OXLD1: variants seen among roughly 807,000 people sequenced by gnomAD.
OXLD1 encodes the protein oxidoreductase-like domain-containing protein 1.
In OXLD1, 4 loss-of-function variants were observed where a neutral mutation model predicts 3.1. The ratio of observed to expected loss-of-function variants is 1.28; its 90% CI spans 0.63 to 2.92. The LOEUF is 2.92. OXLD1 is among the 30% of genes most tolerant of loss of function. The pLI is 0.01. For missense variants in OXLD1, 240 were observed against 204.6 expected, an observed-to-expected ratio of 1.17 and a Z score of -1.05; for synonymous variants, 100 against 87.0, an observed-to-expected ratio of 1.15 and a Z score of -0.83.
At chr17:81,666,335 C>G in intron 1 of OXLD1, 183 bp downstream of exon 1, 1 of 645,776 alleles carries the variant, frequency 1.5e-6, no homozygotes, top group South Asian at 2.3e-5. Context: ...GGCGGGGACT[C>G]GGTAAGAGCC....
rs1445872563 is a variant in OXLD1 at position 81,666,571 on chromosome 17, G to A, written c.7C>T (p.Leu3=). 5 of 1,478,702 alleles carry A rather than the reference G, an allele frequency of 3.4e-6. No homozygotes were observed. Among genetic ancestry groups the A allele is most frequent in the Non-Finnish European group, 3.6e-6 (4 of 1,119,098 alleles). 91.6% of individuals were successfully genotyped at this position (1,478,702 alleles called of 1,614,324 possible). The change falls in exon 1 of 2, where the codon CTG becomes TTG. Residue 3 remains leucine (L), a synonymous_variant. Transcript: ENST00000374741. Reference sequence around the variant, plus strand: ...CGGCCTCCCTCGACCACCCTCCGCAGCAGCATCGCCCGCGGACGGGATCCG... The same window carrying A: ...CGGCCTCCCTCGACCACCCTCCGCAACAGCATCGCCCGCGGACGGGATCCG... ML[L]RRVVEGGRAV...
intron 1 of OXLD1, 76 bp from the exon 2 acceptor site, chr17:81,665,660 C>T: frequency 6.7e-7 from 1 of 1,481,842 alleles, no homozygotes; most frequent in Non-Finnish European, 8.9e-7. Context: ...GAGGACATTT[C>T]AGCTCTCCTG....
chr17:81,666,535 C>T lies in OXLD1; in HGVS notation c.43G>A (p.Ala15Thr). 1 of 1,523,824 alleles carries T rather than the reference C, an allele frequency of 6.6e-7. No individual in the cohort carries two copies. The highest frequency in any genetic ancestry group is 8.7e-7 in the Non-Finnish European group (1 of 1,144,746). The allele number at this position is 1,523,824 out of a possible 1,614,324, so 94.4% of individuals were successfully genotyped here. Reference protein sequence around the residue: ...RVVEGGRAVAAAVRGSGARRF... With the variant: ...RVVEGGRAVATAVRGSGARRF... ...GTACTTGCCGAGCCACGGACCGCGG[C>T]GGCTACCGCCCGGCCTCCCTCGACC... The change falls in exon 1 of 2, where the codon GCC (alanine) becomes ACC (threonine). Residue 15 changes from alanine to threonine, a missense_variant. Coordinates refer to ENST00000374741, the MANE Select transcript of OXLD1 (RefSeq NM_001039842.3).
intron 1 of OXLD1, 82 bp from the exon 2 acceptor site, chr17:81,665,666 T>G: frequency 4.1e-6 from 6 of 1,466,358 alleles, no homozygotes; most frequent in Non-Finnish European, 4.5e-6. Flanking sequence ...ATTTCAGCTC[T>G]CCTGTCATTG....
Position 81,665,681 on chromosome 17 carries a change from A to G in OXLD1, c.61-97T>C, listed in dbSNP as rs548923553. The G allele has an allele frequency of 1.4e-5, 19 of 1,393,738 alleles. 1 individual carries two copies. The highest frequency in any genetic ancestry group is 9.5e-5 in the East Asian group (4 of 42,072). 86.3% of individuals were successfully genotyped at this position (1,393,738 alleles called of 1,614,324 possible). Reference sequence around the variant, plus strand: ...ATTTCAGCTCTCCTGTCATTGGGCAACTGGCTCCATGTCCTCAGCTTTTTC... The same window carrying G: ...ATTTCAGCTCTCCTGTCATTGGGCAGCTGGCTCCATGTCCTCAGCTTTTTC... On this transcript the variant is annotated intron_variant, in intron 1 of 1. Coordinates refer to ENST00000374741, the MANE Select transcript of OXLD1 (RefSeq NM_001039842.3).
chr17:81,666,076 G>GA, intron 1 of OXLD1: 1 of 417,968 alleles, frequency 2.4e-6, no homozygotes. Context: ...ATCCCAGCGT[G>GA]AATGTCCTAT....
chr17:81,665,520 T>C lies in OXLD1; in HGVS notation c.125A>G (p.Gln42Arg). The C allele has an allele frequency of 1.2e-6, 2 of 1,610,438 alleles. No individual in the cohort carries two copies. The highest frequency in any genetic ancestry group is 1.7e-6 in the Non-Finnish European group (2 of 1,178,092). The change falls in exon 2 of 2, where the codon CAA becomes CGA. Residue 42 changes from glutamine (Q) to arginine (R), a missense_variant. Transcript: ENST00000374741. ...GGCTTGCGCTCCGGGATGGTGCCTT[T>C]GAAGAAAGCTGCCACCTCCAGGAAG... ...QRLPGGGSFLQRHHPGAQAPD... is the reference protein window; with the variant it reads ...QRLPGGGSFLRRHHPGAQAPD...
chr17:81,665,622 T>A, intron 1 of OXLD1, 38 bp from the exon 2 acceptor site: 3 of 1,538,614 alleles, frequency 1.9e-6, no homozygotes, highest in Non-Finnish European at 2.6e-6. Context: ...TCCAGGAAGC[T>A]GGTGAGGCCC....
chr17:81,665,582 C>T lies in OXLD1; in HGVS notation c.63G>A (p.Gly21=), dbSNP rs1174954861. The change falls in exon 2 of 2, where the codon GGG becomes GGA. Residue 21 remains glycine (G), a splice_region_variant and synonymous_variant. Transcript: ENST00000374741. ...AGTCCGGGCTGGAGAACCGGCGAGC[C>T]CCCTGAGGATGCAGACAAACATGTG... The part of the protein sequence containing the change: ...RAVAAAVRGS[G]ARRFSSPDCC... 2 of 1,579,706 alleles carry T rather than the reference C, an allele frequency of 1.3e-6. No individual in the cohort carries two copies. Among genetic ancestry groups the T allele is most frequent in the South Asian group, 1.1e-5 (1 of 87,642 alleles).
intron 1 of OXLD1, chr17:81,666,014 C>T (rs150678665): frequency 0.019 from 7,446 of 401,430 alleles, 97 homozygotes; most frequent in Middle Eastern, 0.029. Context: ...AATCGCACCA[C>T]CCTTTATCCA....
Position 81,665,076 on chromosome 17 carries a change from T to A in OXLD1, c.*125A>T. ...ATAGAGAATTTATTTTTTTCTCAGGTGAAGTCAGTAACTAATTCTTCCTAT... is the reference window on the plus strand; with the variant it reads ...ATAGAGAATTTATTTTTTTCTCAGGAGAAGTCAGTAACTAATTCTTCCTAT... On this transcript the variant is annotated 3_prime_UTR_variant, in exon 2 of 2. Coordinates refer to ENST00000374741, the MANE Select transcript of OXLD1 (RefSeq NM_001039842.3). 1 of 1,255,516 alleles carries A rather than the reference T, an allele frequency of 8.0e-7. No individual in the cohort carries two copies. Among genetic ancestry groups the A allele is most frequent in the Non-Finnish European group, 1.1e-6 (1 of 921,104 alleles). 77.8% of individuals were successfully genotyped at this position (1,255,516 alleles called of 1,614,324 possible). A position where few individuals can be genotyped will look rare whatever the true frequency, so the allele number is the denominator to read the frequency against.
At position 81,665,146 on chromosome 17, in the gene OXLD1, G is replaced by A; in HGVS notation, c.*55C>T. Reference sequence around the variant, plus strand: ...TCTGTGAGGGGGTGTGAAGGAAGGAGGCTGCGGCTGCGTCCTGGACTCCGT... The same window carrying A: ...TCTGTGAGGGGGTGTGAAGGAAGGAAGCTGCGGCTGCGTCCTGGACTCCGT... On this transcript the variant is annotated 3_prime_UTR_variant, in exon 2 of 2. Coordinates refer to ENST00000374741, the MANE Select transcript of OXLD1 (RefSeq NM_001039842.3). 2 of 1,531,036 alleles carry A rather than the reference G, an allele frequency of 1.3e-6. No individual in the cohort carries two copies. Among genetic ancestry groups the A allele is most frequent in the Non-Finnish European group, 1.8e-6 (2 of 1,137,092 alleles). The allele number at this position is 1,531,036 out of a possible 1,614,324, so 94.8% of individuals were successfully genotyped here.
rs558776161 is a variant in OXLD1 at position 81,665,777 on chromosome 17, T to A, written c.61-193A>T. 51 of 656,688 alleles carry A rather than the reference T, an allele frequency of 7.8e-5. No homozygotes were observed. In the African/African-American group the frequency reaches 8.2e-4, roughly 11 times the overall value. 40.7% of individuals were successfully genotyped at this position (656,688 alleles called of 1,614,324 possible). ...TTTCCCCACTGTGCAATGGAAGTCA[T>A]GGGTATGACACGGTGTGATTCACAA... On this transcript the variant is annotated intron_variant, in intron 1 of 1. Coordinates refer to ENST00000374741, the MANE Select transcript of OXLD1 (RefSeq NM_001039842.3).
chr17:81,665,658 T>C, intron 1 of OXLD1, 74 bp from the exon 2 acceptor site: 1 of 1,484,874 alleles, frequency 6.7e-7, no homozygotes, highest in East Asian at 2.3e-5. Context: ...GTGAGGACAT[T>C]TCAGCTCTCC....
At chr17:81,666,098 CG>C (rs1003265369) in intron 1 of OXLD1, 8 of 417,630 alleles carry the variant, frequency 1.9e-5, no homozygotes, top group Non-Finnish European at 3.0e-5. Flanking sequence ...GGCAGTCTTC[CG>C]TCGCTGCCCT....
Position 81,665,052 on chromosome 17 carries a change from T to A in OXLD1, c.*149A>T. 1 of 1,102,300 alleles carries A rather than the reference T, an allele frequency of 9.1e-7. No homozygotes were observed. The highest frequency in any genetic ancestry group is 1.6e-5 in the African/African-American group (1 of 63,284). The allele number at this position is 1,102,300 out of a possible 1,614,324, so 68.3% of individuals were successfully genotyped here. A position where few individuals can be genotyped will look rare whatever the true frequency, so the allele number is the denominator to read the frequency against. ...ACAAAAACCTCCTGTGAAACCACCATAGAGAATTTATTTTTTTCTCAGGTG... is the reference window on the plus strand; with the variant it reads ...ACAAAAACCTCCTGTGAAACCACCAAAGAGAATTTATTTTTTTCTCAGGTG... On this transcript the variant is annotated 3_prime_UTR_variant, in exon 2 of 2. Coordinates refer to ENST00000374741, the MANE Select transcript of OXLD1 (RefSeq NM_001039842.3).
chr17:81,665,228 G>T lies in OXLD1; in HGVS notation c.417C>A (p.Ile139=), dbSNP rs780553027. The T allele has an allele frequency of 2.5e-6, 4 of 1,612,508 alleles. No homozygotes were observed. The African/African-American group carries it at 4.0e-5, about 16-fold the overall frequency. Residue 139 remains isoleucine, a synonymous_variant, in exon 2 of 2, where the codon ATC becomes ATA. Transcript: ENST00000374741. ...ENLKAFLRME[I]RLHTRCGG ...AGCCTCCGCACCTGGTGTGCAGCCG[G>T]ATCTCCATCCTGAGGAAGGCCTTGA...
intron 1 of OXLD1, 108 bp from the exon 2 acceptor site, chr17:81,665,692 G>A: frequency 1.5e-6 from 2 of 1,306,520 alleles, no homozygotes; most frequent in Non-Finnish European, 2.1e-6. Context: ...CTGGCTCCAT[G>A]TCCTCAGCTT....
intron 1 of OXLD1, chr17:81,665,843 A>T (rs1256118174): frequency 1.9e-6 from 1 of 514,868 alleles, no homozygotes; most frequent in Non-Finnish European, 3.4e-6. Flanking sequence ...TGTGCACTCA[A>T]GCACATGGTG....
Sources: allele counts gnomAD v4.1 joint callset, GRCh38; gene constraint gnomAD v4.1.1; transcripts MANE v1.5; gene names NCBI Gene and HGNC (gene_info 2026-07-23, HGNC 2026-07-21).